NAALADL2: variants seen among roughly 807,000 people sequenced by gnomAD.
NAALADL2 encodes inactive N-acetylated-alpha-linked acidic dipeptidase-like protein 2.
A neutral mutation model predicts 87.2 loss-of-function variants in NAALADL2; 76 were observed. That is an observed-to-expected ratio of 0.87 (90% confidence interval 0.72 to 1.05). The LOEUF is 1.05. Among genes scored for constraint, NAALADL2 ranks in the 50% least tolerant of loss-of-function variants. The pLI, the probability that NAALADL2 is intolerant of heterozygous loss-of-function variation, is 0.00. For missense variants in NAALADL2, 1,089 were observed against 945.8 expected (o/e 1.15, Z -1.99); for synonymous variants, 354 against 331.0 (o/e 1.07, Z -0.75).
At chr3:175,360,824 G>A (rs1320449896) in intron 5 of NAALADL2, among the ~76,000 whole-genome samples, 2 of 80,478 alleles carry the variant, frequency 2.5e-5, no homozygotes, top group Non-Finnish European at 4.9e-5. Flanking sequence ...GTGTGTGTGT[G>A]TATGTGTGTG....
intron 1 of NAALADL2, among the ~76,000 whole-genome samples, chr3:174,529,534 C>T (rs998678246): frequency 1.3e-5 from 2 of 152,218 alleles, no homozygotes; most frequent in Admixed American, 1.3e-4. Context: ...GGGTTCTGAC[C>T]GCACGTTTCC....
At chr3:174,458,052 C>G (rs547758741) in intron 1 of NAALADL2, among the ~76,000 whole-genome samples, 1 of 152,186 alleles carries the variant, frequency 6.6e-6, no homozygotes, top group African/African-American at 2.4e-5. Flanking sequence ...AAGCTTGATA[C>G]CTGGGTGGAG....
rs1232900288 is a variant in NAALADL2, at chr3:175,013,298, TATA to T, written c.44-83491_44-83489del. ...ATATACATATATATATATATATATATATATTTTTTTTTTTTTTTGAGACAGGGT... is the reference window on the plus strand; with the variant it reads ...ATATACATATATATATATATATATATTTTTTTTTTTTTTTTGAGACAGGGT... On this transcript the variant is annotated intron_variant, in intron 1 of 13. Transcript: ENST00000454872. Among the ~76,000 whole-genome samples, 332 of 69,842 alleles carry T rather than the reference TATA, an allele frequency of 4.8e-3. 14 individuals are homozygous for T. The highest frequency in any genetic ancestry group is 0.026 in the African/African-American group (267 of 10,116). 45.8% of individuals were successfully genotyped at this position (69,842 alleles called of 152,430 possible). A position where few individuals can be genotyped will look rare whatever the true frequency, so the allele number is the denominator to read the frequency against.
At chr3:174,553,694 T>C (rs1053590985) in intron 2 of NAALADL2, among the ~76,000 whole-genome samples, 1 of 152,140 alleles carries the variant, frequency 6.6e-6, no homozygotes, top group African/African-American at 2.4e-5. Context: ...GTACTTCAAG[T>C]AGCACATTAA....
chr3:174,505,132 G>A (rs1408815304), intron 1 of NAALADL2, among the ~76,000 whole-genome samples: 1 of 152,124 alleles, frequency 6.6e-6, no homozygotes, highest in African/African-American at 2.4e-5. Flanking sequence ...CTCAAATAGA[G>A]ATCCATTTTG....
intron 1 of NAALADL2, among the ~76,000 whole-genome samples, chr3:174,863,529 T>C (rs1726765125): frequency 6.6e-6 from 1 of 151,826 alleles, no homozygotes; most frequent in African/African-American, 2.4e-5. Context: ...TTCTTCATAA[T>C]AGAGTCATTG....
rs1418608311 is a variant in NAALADL2, at chr3:174,831,570, T to G, written c.-9+93824T>G. Among the ~76,000 whole-genome samples, 4 of 150,674 alleles carry G rather than the reference T, an allele frequency of 2.7e-5. No homozygotes were observed. In the East Asian group the frequency reaches 7.8e-4, roughly 29 times the overall value. On this transcript the variant is annotated intron_variant, in intron 3 of 3. Coordinates refer to the NAALADL2 transcript ENST00000434257. ...TCAAGGATATTGGTCTAAAATTCTCTTTTTTTGTTGTGTCTCTGCCTGGCT... is the reference window on the plus strand; with the variant it reads ...TCAAGGATATTGGTCTAAAATTCTCGTTTTTTGTTGTGTCTCTGCCTGGCT...
chr3:174,923,412 G>A (rs1434550945), intron 1 of NAALADL2, among the ~76,000 whole-genome samples: 1 of 151,970 alleles, frequency 6.6e-6, no homozygotes. Context: ...ATGGAGAAGG[G>A]ACAGTATTCT....
At chr3:174,613,763 G>A (rs896788249) in intron 2 of NAALADL2, among the ~76,000 whole-genome samples, 2 of 152,196 alleles carry the variant, frequency 1.3e-5, no homozygotes, top group African/African-American at 4.8e-5. Flanking sequence ...AGTCCATTTG[G>A]TAGTCTACCC....
chr3:175,408,212 G>A (rs1399401961), intron 5 of NAALADL2, among the ~76,000 whole-genome samples: 1 of 152,002 alleles, frequency 6.6e-6, no homozygotes, highest in African/African-American at 2.4e-5. Flanking sequence ...CTATTGCTCT[G>A]CATGATGACT....
chr3:174,810,061 G>C (rs1719992771), intron 3 of NAALADL2, among the ~76,000 whole-genome samples: 1 of 152,164 alleles, frequency 6.6e-6, no homozygotes, highest in Non-Finnish European at 1.5e-5. Context: ...ATGCTGCCAT[G>C]CTTCCTGTAC....
intron 10 of NAALADL2, 124 bp downstream of exon 10, chr3:175,576,311 G>C (rs1718885661): frequency 1.2e-6 from 1 of 827,892 alleles, no homozygotes; most frequent in Admixed American, 2.5e-5. Context: ...GCTTCATTTA[G>C]AGAGTTATTC....
chr3:175,373,895 C>A (rs1766792128), intron 5 of NAALADL2, among the ~76,000 whole-genome samples: 1 of 152,052 alleles, frequency 6.6e-6, no homozygotes, highest in East Asian at 1.9e-4. Flanking sequence ...ATTTTCATTT[C>A]TCTGATAACA....
chr3:175,639,555 C>G (rs1274228510), intron 11 of NAALADL2, among the ~76,000 whole-genome samples: 1 of 151,852 alleles, frequency 6.6e-6, no homozygotes, highest in East Asian at 1.9e-4. Flanking sequence ...CTCCTGACCT[C>G]GTGATCCGCC....
intron 1 of NAALADL2, among the ~76,000 whole-genome samples, chr3:174,519,071 T>C (rs1203379204): frequency 6.6e-6 from 1 of 152,182 alleles, no homozygotes; most frequent in African/African-American, 2.4e-5. Flanking sequence ...ACCTACCACC[T>C]GCAAGACAAA....
chr3:174,575,937 C>T (rs1378556995), intron 2 of NAALADL2, among the ~76,000 whole-genome samples: 5 of 151,958 alleles, frequency 3.3e-5, no homozygotes, highest in East Asian at 3.9e-4. Context: ...GATCTCGGCT[C>T]ACAGCAACCT....
At chr3:175,112,910 A>C (rs897103220) in intron 2 of NAALADL2, among the ~76,000 whole-genome samples, 2 of 151,638 alleles carry the variant, frequency 1.3e-5, no homozygotes, top group Non-Finnish European at 3.0e-5. Flanking sequence ...GAAGGCTATG[A>C]ATGCTTTAGA....
chr3:174,558,665 A>G (rs1279226920), intron 2 of NAALADL2, among the ~76,000 whole-genome samples: 1 of 151,988 alleles, frequency 6.6e-6, no homozygotes, highest in African/African-American at 2.4e-5. Context: ...AGCGATGGGG[A>G]GGGGCTGTAA....
At chr3:175,767,802 A>C (rs1399145877) in intron 13 of NAALADL2, 1 of 152,150 alleles carries the variant, frequency 6.6e-6, no homozygotes, top group African/African-American at 2.4e-5. Context: ...TGCAGTTCTC[A>C]GGCAGGCAAC....
Sources: allele counts gnomAD v4.1 joint callset (sites outside exome capture counted in the v4.1 genomes callset), GRCh38; gene constraint gnomAD v4.1.1; transcripts MANE v1.5; gene names NCBI Gene and HGNC (gene_info 2026-07-23, HGNC 2026-07-21).